The following SOS1 variants were observed in gnomAD, a reference collection of about 807,000 sequenced individuals.
SOS1 encodes the protein SOS Ras/Rac guanine nucleotide exchange factor 1, also known as son of sevenless homolog 1.
Under a neutral mutation model 157.6 loss-of-function variants are expected in SOS1, and 25 were observed. That is an observed-to-expected ratio of 0.16 (90% CI 0.12 to 0.22). The LOEUF is 0.22. SOS1 is among the 10% of genes least tolerant of loss of function. The pLI is 1.00. For missense variants in SOS1, 1,237 were observed against 1,599.1 expected (o/e 0.77, Z 3.86); for synonymous variants, 528 against 534.0 (o/e 0.99, Z 0.16).
intron 17 of SOS1, among the ~76,000 whole-genome samples, chr2:39,003,053 T>A (rs1173299747): frequency 7.6e-6 from 1 of 132,126 alleles, no homozygotes; most frequent in Non-Finnish European, 1.5e-5. Context: ...GGTGATAAAG[T>A]GAGACCTTGT....
chr2:39,051,133 G>T lies in SOS1; in HGVS notation c.864+11C>A. On this transcript the variant is annotated intron_variant, in intron 6 of 22. Coordinates refer to ENST00000402219, the MANE Select transcript of SOS1 (RefSeq NM_005633.4). ...ATGCAGACTTTTCGGGTATATAATT[G>T]AAGTACTTACCTCTGCTAAGTCTTC... 6.2e-7 allele frequency: 1 copy of T among 1,612,600 alleles called. No individual in the cohort carries two copies.
intron 1 of SOS1, among the ~76,000 whole-genome samples, chr2:39,119,126 G>A (rs1284570727): frequency 6.6e-6 from 1 of 152,186 alleles, no homozygotes; most frequent in African/African-American, 2.4e-5. Flanking sequence ...TGCAAGTAAA[G>A]CAAAAGTAAG....
intron 20 of SOS1, among the ~76,000 whole-genome samples, chr2:38,989,988 C>T (rs1558457239): frequency 6.6e-6 from 1 of 151,856 alleles, no homozygotes; most frequent in Non-Finnish European, 1.5e-5. Flanking sequence ...GCGAAAGCCC[C>T]AAGAGCATTA....
rs554802600 is a variant in SOS1, at chr2:39,087,853, A to C, written c.88-20100T>G. Among the ~76,000 whole-genome samples, 18 of 151,872 alleles carry C rather than the reference A, an allele frequency of 1.2e-4. No individual in the cohort carries two copies. The East Asian group carries it at 3.5e-3, about 30-fold the overall frequency. On this transcript the variant is annotated intron_variant, in intron 1 of 22. Coordinates refer to ENST00000402219, the MANE Select transcript of SOS1 (RefSeq NM_005633.4). Reference sequence around the variant, plus strand: ...GCCACCATGCCCAGCTAATTTTTAAAATTTTTTTAGAGATGGGGCTTAGCC... The same window carrying C: ...GCCACCATGCCCAGCTAATTTTTAACATTTTTTTAGAGATGGGGCTTAGCC...
At chr2:39,116,221 T>C (rs1673645624) in intron 1 of SOS1, among the ~76,000 whole-genome samples, 2 of 152,174 alleles carry the variant, frequency 1.3e-5, no homozygotes, top group African/African-American at 2.4e-5. Context: ...AATCATCTTA[T>C]TATGCCACTC....
chr2:39,061,410 C>G (rs1198484977), intron 2 of SOS1, among the ~76,000 whole-genome samples: 1 of 151,966 alleles, frequency 6.6e-6, no homozygotes, highest in Non-Finnish European at 1.5e-5. Context: ...TGGGGGGGAA[C>G]AGGGTCTCGA....
intron 6 of SOS1, among the ~76,000 whole-genome samples, chr2:39,038,704 A>T (rs190213622): frequency 1.8e-5 from 2 of 112,640 alleles, no homozygotes; most frequent in African/African-American, 6.6e-5. Context: ...ACTGCACTCC[A>T]GCCTGGCAAC....
At chr2:39,004,166 A>G (rs1232690162) in intron 17 of SOS1, among the ~76,000 whole-genome samples, 1 of 152,190 alleles carries the variant, frequency 6.6e-6, no homozygotes, top group Non-Finnish European at 1.5e-5. Flanking sequence ...CTGTAATCCC[A>G]GCACTTTGGG....
chr2:39,010,771 A>T, intron 14 of SOS1, 68 bp from the exon 15 acceptor site: 2 of 1,282,170 alleles, frequency 1.6e-6, no homozygotes, highest in Non-Finnish European at 2.3e-6. Context: ...TTTATTAAGT[A>T]AAGGAGACAA....
chr2:39,038,457 T>A (rs1207208946), intron 6 of SOS1, among the ~76,000 whole-genome samples: 2 of 151,906 alleles, frequency 1.3e-5, no homozygotes, highest in Non-Finnish European at 2.9e-5. Flanking sequence ...GTTTCTTGGC[T>A]GGGCGCGGTG....
Position 39,007,124 on chromosome 2 carries a change from T to G in SOS1, c.2580A>C (p.Gln860His). The change falls in exon 16 of 23, where the codon CAA (glutamine) becomes CAC (histidine). Residue 860 changes from glutamine to histidine, a missense_variant. By Grantham distance (24) the Gln-to-His change is conservative. Around this residue, in one of 15 missense-constraint regions of SOS1, gnomAD observed 105 missense variants for 236.0 expected, o/e 0.44. Coordinates refer to ENST00000402219, the MANE Select transcript of SOS1 (RefSeq NM_005633.4). Reference sequence around the variant, plus strand: ...TAAAGTTGTTCAACTCTTGAAAGACTTGTAGAATCTCAATAATTCGACTCA... The same window carrying G: ...TAAAGTTGTTCAACTCTTGAAAGACGTGTAGAATCTCAATAATTCGACTCA... ...AVVSRIIEIL[Q>H]VFQELNNFNG... 1.2e-6 allele frequency: 2 copies of G among 1,606,086 alleles called. No homozygotes were observed. The highest frequency in any genetic ancestry group is 1.7e-5 in the Admixed American group (1 of 59,998).
intron 2 of SOS1, among the ~76,000 whole-genome samples, chr2:39,064,508 A>G (rs1427636690): frequency 6.6e-6 from 1 of 152,132 alleles, no homozygotes; most frequent in Non-Finnish European, 1.5e-5. Flanking sequence ...TATTAAAATA[A>G]TAAGGGCCCA....
intron 5 of SOS1, 130 bp downstream of exon 5, chr2:39,054,484 C>A: frequency 1.6e-6 from 1 of 634,242 alleles, no homozygotes; most frequent in African/African-American, 1.8e-5. Flanking sequence ...ACTTTGTGAT[C>A]ATGAATTAAG....
At chr2:39,020,226 C>T (rs1420619198) in intron 10 of SOS1, among the ~76,000 whole-genome samples, 1 of 151,696 alleles carries the variant, frequency 6.6e-6, no homozygotes, top group African/African-American at 2.4e-5. Flanking sequence ...ATCTATAGCT[C>T]CATTTTGTAC....
chr2:39,102,890 G>A (rs1673024218), intron 1 of SOS1, among the ~76,000 whole-genome samples: 1 of 152,138 alleles, frequency 6.6e-6, no homozygotes, highest in Admixed American at 6.5e-5. Context: ...AGGAAGTTGA[G>A]GCTACAGTTA....
At position 39,005,431 on chromosome 2, in the gene SOS1, G is replaced by C. The variant is rs375892634; in HGVS notation, c.2791+981C>G. Among the ~76,000 whole-genome samples the C allele has an allele frequency of 3.9e-5, 6 of 152,104 alleles. No individual in the cohort carries two copies. The East Asian group carries it at 1.2e-3, about 29-fold the overall frequency. ...CAATGTGTCCAATCACAGGGTAATG[G>C]TTAAAACAAATTGTCCAACTTTATG... On this transcript the variant is annotated intron_variant, in intron 17 of 22. Coordinates refer to ENST00000402219, the MANE Select transcript of SOS1 (RefSeq NM_005633.4).
chr2:39,075,389 A>T (rs1671934834), intron 1 of SOS1, among the ~76,000 whole-genome samples: 1 of 152,250 alleles, frequency 6.6e-6, no homozygotes, highest in African/African-American at 2.4e-5. Context: ...TTCTTGTATT[A>T]CATCTAGGGA....
At chr2:38,997,740 T>C (rs1668947996) in intron 17 of SOS1, among the ~76,000 whole-genome samples, 1 of 152,108 alleles carries the variant, frequency 6.6e-6, no homozygotes, top group African/African-American at 2.4e-5. Context: ...AGACCAAGTT[T>C]AATAAAATTA....
At chr2:39,044,867 C>CACACACACAG (rs1670704094) in intron 6 of SOS1, among the ~76,000 whole-genome samples, 1 of 151,776 alleles carries the variant, frequency 6.6e-6, no homozygotes, top group Non-Finnish European at 1.5e-5. Flanking sequence ...CGCGCGCGCA[C>CACACACACAG]ACACACACAC....
Sources: allele counts gnomAD v4.1 joint callset (sites outside exome capture counted in the v4.1 genomes callset), GRCh38; gene constraint gnomAD v4.1.1; regional missense constraint gnomAD v4.1.1; transcripts MANE v1.5; gene names NCBI Gene and HGNC (gene_info 2026-07-23, HGNC 2026-07-21).